The following RIMS2 variants were observed in gnomAD, a reference collection of about 807,000 sequenced individuals.
The protein encoded by RIMS2 is regulating synaptic membrane exocytosis 2.
Under a neutral mutation model 174.4 loss-of-function variants are expected in RIMS2, and 59 were observed. That is an observed-to-expected ratio of 0.34 (90% CI 0.27 to 0.42). The LOEUF (loss-of-function observed/expected upper bound fraction) is 0.42. Ranked by LOEUF, RIMS2 falls within the 10% of genes least tolerant of loss-of-function variation. The pLI is 1.00. For missense variants in RIMS2, 1,620 were observed against 1,666.3 expected (o/e 0.97, Z 0.48); for synonymous variants, 606 against 572.5 (o/e 1.06, Z -0.84).
intron 1 of RIMS2, among the ~76,000 whole-genome samples, chr8:103,650,856 C>T (rs938912158): frequency 6.6e-6 from 1 of 152,246 alleles, no homozygotes; most frequent in East Asian, 1.9e-4. Flanking sequence ...CAGCCTGCTA[C>T]TACCAGCTGG....
At chr8:104,069,463 CTTTTTTTTT>C (rs71297250) in intron 19 of RIMS2, among the ~76,000 whole-genome samples, 1 of 91,964 alleles carries the variant, frequency 1.1e-5, no homozygotes, top group Non-Finnish European at 2.2e-5. Context: ...ATTAATTGTT[CTTTTTTTTT>C]TTTTTTTTTT....
Position 103,507,987 on chromosome 8 carries a change from C to T in RIMS2, c.176+6925C>T, listed in dbSNP as rs139503210. On this transcript the variant is annotated intron_variant, in intron 1 of 23. Coordinates refer to ENST00000504942, the Ensembl canonical transcript of RIMS2. Reference sequence around the variant, plus strand: ...TAAAGGTGTTTTTAGTACATTATAACCATGGTAAAAAATATGTCAGACTAA... The same window carrying T: ...TAAAGGTGTTTTTAGTACATTATAATCATGGTAAAAAATATGTCAGACTAA... Among the ~76,000 whole-genome samples the T allele has an allele frequency of 6.1e-3, 925 of 152,148 alleles. 8 individuals are homozygous for T. Among genetic ancestry groups the T allele is most frequent in the African/African-American group, 0.021 (858 of 41,550 alleles).
chr8:103,880,703 A>C (rs1442911235), intron 3 of RIMS2: 2 of 517,580 alleles, frequency 3.9e-6, no homozygotes. Context: ...AAATAATGAA[A>C]ATATATTAAA....
intron 3 of RIMS2, among the ~76,000 whole-genome samples, chr8:103,791,635 A>G (rs2098500348): frequency 1.3e-5 from 2 of 152,218 alleles, no homozygotes; most frequent in Non-Finnish European, 1.5e-5. Flanking sequence ...CAAATTCGGT[A>G]AAGAGTCAAG....
chr8:103,828,385 T>C (rs2098804737), intron 3 of RIMS2, among the ~76,000 whole-genome samples: 1 of 152,254 alleles, frequency 6.6e-6, no homozygotes, highest in African/African-American at 2.4e-5. Context: ...ATGTCTTCTT[T>C]TGAGATGTGT....
intron 19 of RIMS2, among the ~76,000 whole-genome samples, chr8:104,228,292 T>C (rs2139047017): frequency 1.3e-5 from 2 of 152,182 alleles, no homozygotes; most frequent in Non-Finnish European, 2.9e-5. Context: ...CCTCCCAAAG[T>C]GCTGAGATTA....
intron 4 of RIMS2, among the ~76,000 whole-genome samples, chr8:103,902,778 A>G (rs534458433): frequency 2.6e-5 from 4 of 152,276 alleles, no homozygotes; most frequent in Admixed American, 6.5e-5. Context: ...ACAATATATT[A>G]TATAATCCTC....
intron 1 of RIMS2, among the ~76,000 whole-genome samples, chr8:103,596,774 A>G (rs1401590912): frequency 6.8e-6 from 1 of 146,706 alleles, no homozygotes; most frequent in African/African-American, 2.6e-5. Context: ...TCTTGTAAAA[A>G]TAAAATAATA....
chr8:103,881,213 T>C (rs2154517991), intron 3 of RIMS2, among the ~76,000 whole-genome samples: 1 of 151,720 alleles, frequency 6.6e-6, no homozygotes, highest in Non-Finnish European at 1.5e-5. Flanking sequence ...AGTGTTGTCA[T>C]AATTTTTAAA....
chr8:103,644,728 A>T (rs1431923858), intron 1 of RIMS2, among the ~76,000 whole-genome samples: 1 of 151,202 alleles, frequency 6.6e-6, no homozygotes, highest in Non-Finnish European at 1.5e-5. Context: ...ATTTATACAT[A>T]TTTTGTTTGG....
chr8:103,624,746 T>A (rs1370076155), intron 1 of RIMS2, among the ~76,000 whole-genome samples: 3 of 152,234 alleles, frequency 2.0e-5, no homozygotes, highest in Non-Finnish European at 2.9e-5. Context: ...ATTAATTCAT[T>A]TAATCCTCTT....
At chr8:103,689,901 G>T (rs1398511669) in intron 1 of RIMS2, among the ~76,000 whole-genome samples, 3 of 89,066 alleles carry the variant, frequency 3.4e-5, no homozygotes, top group African/African-American at 1.5e-4. Flanking sequence ...ACAGAATATT[G>T]GATTTTTTGT....
At chr8:103,781,738 CTTTTTTTTTTTTT>C (rs11308922) in intron 3 of RIMS2, among the ~76,000 whole-genome samples, 11 of 88,494 alleles carry the variant, frequency 1.2e-4, no homozygotes, top group African/African-American at 4.1e-4. Context: ...CTCCCCTAAT[CTTTTTTTTTTTTT>C]TTTTTTTTTT....
chr8:104,007,257 T>A (rs941506996), intron 17 of RIMS2, among the ~76,000 whole-genome samples: 1 of 152,190 alleles, frequency 6.6e-6, no homozygotes, highest in Non-Finnish European at 1.5e-5. Flanking sequence ...CTTCTCTATT[T>A]CCACCCTCAT....
In RIMS2 at chr8:103,576,753, G is replaced by A. The variant is rs535818468; in HGVS notation, c.176+75691G>A. Reference sequence around the variant, plus strand: ...TATAGACCAATGGAACAGAACAGAGGCCTCAGAAATAACATCACACTTCTA... The same window carrying A: ...TATAGACCAATGGAACAGAACAGAGACCTCAGAAATAACATCACACTTCTA... On this transcript the variant is annotated intron_variant, in intron 1 of 23. Coordinates refer to ENST00000504942, the Ensembl canonical transcript of RIMS2. Among the ~76,000 whole-genome samples, 5 of 152,148 alleles carry A rather than the reference G, an allele frequency of 3.3e-5. No individual in the cohort carries two copies. In the East Asian group the frequency reaches 9.7e-4, roughly 29 times the overall value.
At chr8:103,774,685 A>T (rs2098293276) in intron 3 of RIMS2, among the ~76,000 whole-genome samples, 1 of 152,220 alleles carries the variant, frequency 6.6e-6, no homozygotes, top group Non-Finnish European at 1.5e-5. Context: ...AAGAGTACAT[A>T]TGATATGCTT....
intron 3 of RIMS2, among the ~76,000 whole-genome samples, chr8:103,809,937 T>C (rs2098676192): frequency 6.6e-6 from 1 of 152,144 alleles, no homozygotes; most frequent in African/African-American, 2.4e-5. Context: ...CTTTTGTAAC[T>C]AAAGCATGAT....
intron 1 of RIMS2, among the ~76,000 whole-genome samples, chr8:103,559,862 G>A (rs1248962792): frequency 6.6e-6 from 1 of 152,190 alleles, no homozygotes; most frequent in Non-Finnish European, 1.5e-5. Context: ...AGTAGCCAGT[G>A]TATTATTTGT....
chr8:103,991,991 A>T (rs1227440706), intron 17 of RIMS2, among the ~76,000 whole-genome samples: 1 of 152,202 alleles, frequency 6.6e-6, no homozygotes, highest in African/African-American at 2.4e-5. Context: ...TACGTGCTTT[A>T]ACCTTACCAT....
Sources: allele counts gnomAD v4.1 joint callset (sites outside exome capture counted in the v4.1 genomes callset), GRCh38; gene constraint gnomAD v4.1.1; transcripts MANE v1.5; gene names NCBI Gene and HGNC (gene_info 2026-07-23, HGNC 2026-07-21).